The following TNS1 variants were observed in gnomAD, a reference collection of about 807,000 sequenced individuals.
The protein encoded by TNS1 is tensin-1.
A neutral mutation model predicts 168.6 loss-of-function variants in TNS1; 62 were observed. The ratio of observed to expected loss-of-function variants is 0.37; its 90% CI spans 0.30 to 0.45. The LOEUF (loss-of-function observed/expected upper bound fraction) is 0.45, where lower values mean the gene tolerates loss of function less well. Among genes scored for constraint, TNS1 ranks in the 20% least tolerant of loss-of-function variants. TNS1 has a pLI of 1.00. For missense variants in TNS1, 2,240 were observed against 2,339.4 expected (o/e 0.96, Z 0.88); for synonymous variants, 934 against 933.2 (o/e 1.00, Z -0.02).
rs1321537920 is a variant in TNS1, at chr2:217,801,729, C to G, written c.*2730G>C. ...GTAGGTGTGTGCATGGGTGCACAGC[C>G]CGCCGTGACACAGAAGGGCTCTGGT... On this transcript the variant is annotated 3_prime_UTR_variant, in exon 33 of 33. Coordinates refer to ENST00000682258, the MANE Select transcript of TNS1 (RefSeq NM_001387777.1). 1.3e-5 allele frequency: 2 copies of G among 152,266 alleles called. No homozygotes were observed. The highest frequency in any genetic ancestry group is 4.1e-4 in the South Asian group (2 of 4,828). The allele number at this position is 152,266 out of a possible 1,614,324, so 9.4% of individuals were successfully genotyped here.
At chr2:217,807,366 T>A (rs977081103) in intron 32 of TNS1, among the ~76,000 whole-genome samples, 2 of 152,240 alleles carry the variant, frequency 1.3e-5, no homozygotes, top group Non-Finnish European at 2.9e-5. Context: ...CCCTAGTTAC[T>A]GCTGATAGAC....
At chr2:217,937,042 C>T in intron 3 of TNS1, 1 of 456,598 alleles carries the variant, frequency 2.2e-6, no homozygotes, top group Non-Finnish European at 4.4e-6. Context: ...CCTTTTCCTC[C>T]CCGCAAAACT....
intron 18 of TNS1, among the ~76,000 whole-genome samples, chr2:217,872,009 C>G (rs1433051587): frequency 6.6e-6 from 1 of 152,376 alleles, no homozygotes; most frequent in East Asian, 1.9e-4. Context: ...TGGTTGCAGA[C>G]CCACCACGTT....
chr2:217,897,203 A>C (rs75951541), intron 8 of TNS1, among the ~76,000 whole-genome samples: 2 of 152,158 alleles, frequency 1.3e-5, no homozygotes, highest in African/African-American at 4.8e-5. Flanking sequence ...AGGACGGATC[A>C]GCCTTTCTGC....
chr2:217,880,891 C>T lies in TNS1; in HGVS notation c.1429+7G>A. The T allele has an allele frequency of 6.2e-7, 1 of 1,610,114 alleles. No homozygotes were observed. Among genetic ancestry groups the T allele is most frequent in the Non-Finnish European group, 8.5e-7 (1 of 1,176,390 alleles). ...ATAGGGGCTGGGAGCCACTAGGTCC[C>T]ACCTACCCTCCATGCCGTCATCTCG... On this transcript the variant is annotated splice_region_variant and intron_variant, in intron 18 of 32. Transcript: ENST00000682258. The surrounding 1 kb of genome is among the most constrained non-coding windows in gnomAD (Gnocchi z 4.2).
At chr2:217,968,286 C>G (rs1162640882) in intron 3 of TNS1, among the ~76,000 whole-genome samples, 5 of 152,024 alleles carry the variant, frequency 3.3e-5, no homozygotes, top group African/African-American at 1.2e-4. Context: ...ATTGAAGTTT[C>G]CAGTCAGGAC....
chr2:217,813,010 G>A lies in TNS1; in HGVS notation c.4954+205C>T, dbSNP rs898849671. 1.6e-4 allele frequency among the ~76,000 whole-genome samples: 24 copies of A among 152,330 alleles called. No individual in the cohort carries two copies. Among genetic ancestry groups the A allele is most frequent in the Non-Finnish European group, 2.5e-4 (17 of 68,034 alleles). ...AATGATAACAAGTCCCAGCTGGGTC[G>A]GACAAACACAGACTGCAGTTTGGCA... On this transcript the variant is annotated intron_variant, in intron 27 of 32. Transcript: ENST00000682258. This position sits in a 1 kb window ranked among gnomAD's most constrained non-coding sequence, Gnocchi z 4.0.
At chr2:217,935,412 C>G (rs1349872391) in intron 3 of TNS1, among the ~76,000 whole-genome samples, 1 of 152,176 alleles carries the variant, frequency 6.6e-6, no homozygotes, top group Non-Finnish European at 1.5e-5. Flanking sequence ...TCATGGCCTC[C>G]TCTCCAATCA....
chr2:217,996,131 G>A (rs906341078), intron 1 of TNS1, among the ~76,000 whole-genome samples: 2 of 152,166 alleles, frequency 1.3e-5, no homozygotes, highest in East Asian at 1.9e-4. Context: ...GATAGACCCC[G>A]GGGTCCCCAG....
chr2:217,808,228 T>TCATTCCCC, intron 31 of TNS1, 121 bp from the exon 32 acceptor site: 2 of 975,884 alleles, frequency 2.0e-6, no homozygotes, highest in Non-Finnish European at 2.8e-6. Context: ...CATTCCCCCC[T>TCATTCCCC]CATTCCCCCA....
At chr2:217,878,582 C>T (rs1255602636) in intron 18 of TNS1, among the ~76,000 whole-genome samples, 2 of 152,208 alleles carry the variant, frequency 1.3e-5, no homozygotes, top group Non-Finnish European at 2.9e-5. Flanking sequence ...TCCAGGCCTT[C>T]TCCCTTAGCC....
chr2:217,900,833 C>T (rs1952882861), intron 6 of TNS1, among the ~76,000 whole-genome samples: 1 of 152,198 alleles, frequency 6.6e-6, no homozygotes. Context: ...AATGGAAACA[C>T]ACTTCACTTT....
At position 217,867,077 on chromosome 2, in the gene TNS1, G is replaced by A. The variant is rs1435036309; in HGVS notation, c.1429+13821C>T. Among the ~76,000 whole-genome samples the A allele has an allele frequency of 4.6e-5, 7 of 152,316 alleles. No homozygotes were observed. The South Asian group carries it at 1.5e-3, about 32-fold the overall frequency. On this transcript the variant is annotated intron_variant, in intron 18 of 32. Coordinates refer to ENST00000682258, the MANE Select transcript of TNS1 (RefSeq NM_001387777.1). Reference sequence around the variant, plus strand: ...CCTCTCTGTGCTTGTTTCTTCATCTGTGAAATAGGAACAAGAGAACTCAGG... The same window carrying A: ...CCTCTCTGTGCTTGTTTCTTCATCTATGAAATAGGAACAAGAGAACTCAGG...
chr2:217,833,251 T>C (rs923261398), intron 21 of TNS1, among the ~76,000 whole-genome samples: 2 of 152,216 alleles, frequency 1.3e-5, no homozygotes, highest in Non-Finnish European at 1.5e-5. Context: ...AGCTCTCTCT[T>C]GGTTCCTCCC....
intron 3 of TNS1, among the ~76,000 whole-genome samples, chr2:217,977,153 A>G (rs1032586503): frequency 6.6e-6 from 1 of 152,262 alleles, no homozygotes; most frequent in African/African-American, 2.4e-5. Flanking sequence ...CAGGAAGGGC[A>G]GTACGAAGGG....
chr2:217,930,776 G>A (rs1421672650), intron 3 of TNS1, among the ~76,000 whole-genome samples: 1 of 152,216 alleles, frequency 6.6e-6, no homozygotes, highest in Non-Finnish European at 1.5e-5. Flanking sequence ...AAGAGGAGGT[G>A]TGAACAGGCA....
At chr2:217,876,201 G>A (rs1950185406) in intron 18 of TNS1, among the ~76,000 whole-genome samples, 1 of 152,184 alleles carries the variant, frequency 6.6e-6, no homozygotes, top group Non-Finnish European at 1.5e-5. Flanking sequence ...CAGAGGCAGA[G>A]GGCAGTCCAT....
rs1416743157 is a variant in TNS1, at chr2:218,032,881, T to A, written c.156+939A>T. Among the ~76,000 whole-genome samples, 1 of 151,560 alleles carries A rather than the reference T, an allele frequency of 6.6e-6. No individual in the cohort carries two copies. Among genetic ancestry groups the A allele is most frequent in the Non-Finnish European group, 1.5e-5 (1 of 67,842 alleles). ...CCAGCTCATCTGATGCAGACACTCG[T>A]CCCCATCCCTCTCCCTGCCACTGTC... On this transcript the variant is annotated intron_variant, in intron 1 of 1. Transcript: ENST00000649572. This position sits in a 1 kb window ranked among gnomAD's most constrained non-coding sequence, Gnocchi z 4.0.
chr2:217,951,639 C>A lies in TNS1; in HGVS notation c.186+27126G>T, dbSNP rs1957245328. On this transcript the variant is annotated intron_variant, in intron 3 of 32. Coordinates refer to ENST00000682258, the MANE Select transcript of TNS1 (RefSeq NM_001387777.1). Reference sequence around the variant, plus strand: ...CCTGACAGGGGCTCGCCCGCCCCTGCCTACACACCCCAGGCCCTCAGGGCT... The same window carrying A: ...CCTGACAGGGGCTCGCCCGCCCCTGACTACACACCCCAGGCCCTCAGGGCT... Among the ~76,000 whole-genome samples, 3 of 152,232 alleles carry A rather than the reference C, an allele frequency of 2.0e-5. No individual in the cohort carries two copies. In the South Asian group the frequency reaches 6.2e-4, roughly 32 times the overall value.
Sources: allele counts gnomAD v4.1 joint callset (sites outside exome capture counted in the v4.1 genomes callset), GRCh38; gene constraint gnomAD v4.1.1; non-coding constraint Gnocchi (gnomAD v3.1); transcripts MANE v1.5; gene names NCBI Gene and HGNC (gene_info 2026-07-23, HGNC 2026-07-21).